The following CYFIP2 variants were observed in gnomAD, a reference collection of about 807,000 sequenced individuals.
CYFIP2 encodes the protein cytoplasmic FMR1-interacting protein 2.
In CYFIP2, 29 loss-of-function variants were observed where a neutral mutation model predicts 158.7. That is an observed-to-expected ratio of 0.18 (90% CI 0.14 to 0.25). The LOEUF is 0.25. Among genes scored for constraint, CYFIP2 ranks in the 10% least tolerant of loss-of-function variants. CYFIP2 has a pLI of 1.00. For missense variants in CYFIP2, 852 were observed against 1,639.5 expected (o/e 0.52, Z 8.29); for synonymous variants, 585 against 617.6 (o/e 0.95, Z 0.78).
chr5:157,276,919 A>G (rs1176721113), intron 1 of CYFIP2: 4 of 152,222 alleles, frequency 2.6e-5, no homozygotes, highest in African/African-American at 4.8e-5. Context: ...TAAAATGAAA[A>G]GTGGCAAAAA....
At position 157,285,471 on chromosome 5, in the gene CYFIP2, T is replaced by A; in HGVS notation, c.110T>A (p.Met37Lys). The A allele has an allele frequency of 6.4e-7, 1 of 1,566,980 alleles. No individual in the cohort carries two copies. The highest frequency in any genetic ancestry group is 8.7e-7 in the Non-Finnish European group (1 of 1,155,536). ...ATCGAGCCTCCACCTTCCTCCATCA[T>A]GTACCAGGTAATGGAAATGGTAGAT... ...PCIEPPPSSI[M>K]YQANFDTNFE... The change falls in exon 2 of 31, where the codon ATG (methionine) becomes AAG (lysine). Residue 37 changes from methionine to lysine, a missense_variant. Met to Lys is a moderately conservative substitution (Grantham distance 95). This residue lies in a region of CYFIP2 where 123 missense variants were observed against 316.7 expected (regional missense o/e 0.39). Coordinates refer to ENST00000620254, the MANE Select transcript of CYFIP2 (RefSeq NM_001037333.3).
At chr5:157,343,049 T>C (rs1407203846) in intron 23 of CYFIP2, 2 of 1,614,212 alleles carry the variant, frequency 1.2e-6, no homozygotes, top group Non-Finnish European at 8.5e-7. Flanking sequence ...CGGGGCCTCC[T>C]CTGGCCATCT....
intron 19 of CYFIP2, among the ~76,000 whole-genome samples, chr5:157,330,039 G>T (rs1430499302): frequency 1.3e-5 from 2 of 152,168 alleles, no homozygotes; most frequent in East Asian, 3.9e-4. Context: ...AGCTTGTTGT[G>T]TAAATGATAG....
At chr5:157,337,887 A>G (rs1761974258) in intron 21 of CYFIP2, among the ~76,000 whole-genome samples, 2 of 152,226 alleles carry the variant, frequency 1.3e-5, no homozygotes, top group East Asian at 1.9e-4. Flanking sequence ...CCAAGAACAC[A>G]TGATTTGGAA....
intron 26 of CYFIP2, among the ~76,000 whole-genome samples, chr5:157,379,604 A>AAGACTAGTGAGCCATGATT (rs902292309): frequency 2.0e-5 from 3 of 147,454 alleles, no homozygotes; most frequent in Admixed American, 6.9e-5. Flanking sequence ...CCAGAAGGTC[A>AAGACTAGTGAGCCATGATT]AGACTAGTGA....
At chr5:157,286,912 C>T (rs1336307147) in intron 2 of CYFIP2, 107 bp from the exon 3 acceptor site, 1 of 766,158 alleles carries the variant, frequency 1.3e-6, no homozygotes, top group African/African-American at 1.7e-5. Flanking sequence ...AGGAGGTTTC[C>T]ACAGAGAGCT....
chr5:157,269,552 C>T (rs1451363668), intron 1 of CYFIP2: 2 of 152,174 alleles, frequency 1.3e-5, no homozygotes, highest in Non-Finnish European at 2.9e-5. Flanking sequence ...CCAACTGTTA[C>T]CTGCCTGTCA....
At chr5:157,373,195 T>A (rs1014853484) in intron 26 of CYFIP2, among the ~76,000 whole-genome samples, 1 of 152,152 alleles carries the variant, frequency 6.6e-6, no homozygotes, top group Non-Finnish European at 1.5e-5. Flanking sequence ...TTATTACCAC[T>A]CTCTGCCTGG....
intron 11 of CYFIP2, among the ~76,000 whole-genome samples, chr5:157,313,730 T>C (rs1759921999): frequency 6.6e-6 from 1 of 152,366 alleles, no homozygotes; most frequent in Middle Eastern, 3.4e-3. Context: ...TATGTACATA[T>C]ATACACACAG....
At chr5:157,383,181 C>A in intron 27 of CYFIP2, 84 bp from the exon 28 acceptor site, 1 of 1,181,048 alleles carries the variant, frequency 8.5e-7, no homozygotes, top group Non-Finnish European at 1.2e-6. Context: ...GCAGATACAT[C>A]ATCAGGTCCT....
chr5:157,351,363 T>C (rs1318112065), intron 23 of CYFIP2, among the ~76,000 whole-genome samples: 1 of 152,254 alleles, frequency 6.6e-6, no homozygotes, highest in East Asian at 1.9e-4. Context: ...ACTTCCTTGC[T>C]TTTCCTCTCT....
At chr5:157,306,894 A>T (rs1307020855) in intron 8 of CYFIP2, among the ~76,000 whole-genome samples, 1 of 138,114 alleles carries the variant, frequency 7.2e-6, no homozygotes, top group Non-Finnish European at 1.6e-5. Context: ...AGGCCATCTT[A>T]AAAAAAAAAA....
At chr5:157,287,395 CAT>C (rs933100955) in intron 3 of CYFIP2, among the ~76,000 whole-genome samples, 1 of 152,176 alleles carries the variant, frequency 6.6e-6, no homozygotes, top group Admixed American at 6.5e-5. Flanking sequence ...TTTGGGTTAA[CAT>C]GTGATTGGAT....
intron 21 of CYFIP2, among the ~76,000 whole-genome samples, chr5:157,336,346 G>A (rs1249606754): frequency 1.3e-5 from 2 of 152,210 alleles, no homozygotes; most frequent in African/African-American, 2.4e-5. Context: ...TAGTACATTT[G>A]TAATTTTGAG....
intron 8 of CYFIP2, among the ~76,000 whole-genome samples, chr5:157,307,042 T>C (rs944960483): frequency 6.6e-6 from 1 of 152,108 alleles, no homozygotes; most frequent in Non-Finnish European, 1.5e-5. Context: ...CCCTTCTGCA[T>C]ACATGTTAAA....
intron 23 of CYFIP2, among the ~76,000 whole-genome samples, chr5:157,347,417 C>T (rs1428426353): frequency 6.6e-6 from 1 of 152,040 alleles, no homozygotes; most frequent in Non-Finnish European, 1.5e-5. Context: ...GTTCCTTGAT[C>T]AGAAAGTTGC....
intron 6 of CYFIP2, among the ~76,000 whole-genome samples, chr5:157,301,352 C>T (rs1010763578): frequency 1.3e-5 from 2 of 152,108 alleles, no homozygotes; most frequent in East Asian, 3.8e-4. Context: ...AGCCTGAGTG[C>T]CTCCAGCTCT....
chr5:157,326,820 G>C lies in CYFIP2; in HGVS notation c.2079+553G>C, dbSNP rs755097817. Among the ~76,000 whole-genome samples the C allele has an allele frequency of 2.5e-4, 38 of 152,184 alleles. 1 individual carries two copies. Among genetic ancestry groups the C allele is most frequent in the Non-Finnish European group, 5.1e-4 (35 of 68,028 alleles). ...GCTCAAAGTGCAGGTCAGAGGCCTCGGTGACCTGGGTCTGAGGAAAGCACT... is the reference window on the plus strand; with the variant it reads ...GCTCAAAGTGCAGGTCAGAGGCCTCCGTGACCTGGGTCTGAGGAAAGCACT... On this transcript the variant is annotated intron_variant, in intron 18 of 30. Transcript: ENST00000620254.
At chr5:157,293,179 C>A (rs1426530897) in intron 3 of CYFIP2, among the ~76,000 whole-genome samples, 1 of 152,122 alleles carries the variant, frequency 6.6e-6, no homozygotes, top group Non-Finnish European at 1.5e-5. Context: ...CCTCAGCCTC[C>A]AGAGTAGCTG....
Sources: allele counts gnomAD v4.1 joint callset (sites outside exome capture counted in the v4.1 genomes callset), GRCh38; gene constraint gnomAD v4.1.1; regional missense constraint gnomAD v4.1.1; transcripts MANE v1.5; gene names NCBI Gene and HGNC (gene_info 2026-07-23, HGNC 2026-07-21).